Variants in SRGAP3 observed in about 807,000 individuals in gnomAD.
The protein encoded by SRGAP3 is SLIT-ROBO Rho GTPase-activating protein 3.
In SRGAP3, 39 loss-of-function variants were observed where a neutral mutation model predicts 121.1. The observed-to-expected ratio is 0.32, with a 90% confidence interval of 0.25 to 0.42. The LOEUF is 0.42. SRGAP3 is among the 10% of genes least tolerant of loss of function. The probability of loss-of-function intolerance (pLI) is 1.00; values close to 1 mark genes in which losing one functional copy is unlikely to be tolerated. For missense variants in SRGAP3, 1,213 were observed against 1,470.6 expected (o/e 0.82, Z 2.86); for synonymous variants, 601 against 570.0 (o/e 1.05, Z -0.77).
chr3:9,248,394 T>A (rs1235635462), intron 1 of SRGAP3, among the ~76,000 whole-genome samples: 1 of 152,026 alleles, frequency 6.6e-6, no homozygotes, highest in East Asian at 1.9e-4. Flanking sequence ...GCTGCCTCGC[T>A]GTGCACATGC....
intron 1 of SRGAP3, chr3:9,349,943 T>G (rs1220054214): frequency 1.3e-5 from 2 of 152,214 alleles, no homozygotes; most frequent in South Asian, 2.1e-4. Context: ...TGTCCAAGTG[T>G]GTCTCTCTCT....
intron 1 of SRGAP3, among the ~76,000 whole-genome samples, chr3:9,352,721 G>A (rs765619368): frequency 1.8e-4 from 27 of 152,172 alleles, no homozygotes; most frequent in Non-Finnish European, 3.7e-4. Flanking sequence ...AGGCCACCTT[G>A]GTGTGCGTTT....
upstream of SRGAP3, among the ~76,000 whole-genome samples, chr3:9,250,453 G>C (rs903353039): frequency 2.6e-5 from 4 of 152,106 alleles, no homozygotes; most frequent in South Asian, 4.1e-4. Flanking sequence ...GGAGTTGTAC[G>C]AGGCAAGAGG....
intron 1 of SRGAP3, among the ~76,000 whole-genome samples, chr3:9,187,147 G>T (rs184661779): frequency 7.4e-6 from 1 of 135,084 alleles, no homozygotes; most frequent in African/African-American, 2.8e-5. Context: ...GGTGTGTGAT[G>T]TTCCCCTCCC....
chr3:9,354,182 A>G (rs1399250350), intron 1 of SRGAP3, among the ~76,000 whole-genome samples: 1 of 152,234 alleles, frequency 6.6e-6, no homozygotes, highest in Non-Finnish European at 1.5e-5. Context: ...GTACCATAAC[A>G]AAGTCCGCAG....
intron 1 of SRGAP3, among the ~76,000 whole-genome samples, chr3:9,165,906 G>C (rs570611615): frequency 5.0e-4 from 76 of 152,270 alleles, no homozygotes; most frequent in African/African-American, 1.8e-3. Flanking sequence ...CCTTATCTCA[G>C]GTTGTAATCA....
At chr3:9,142,191 AATAC>A (rs1949877127) in intron 1 of SRGAP3, among the ~76,000 whole-genome samples, 1 of 152,234 alleles carries the variant, frequency 6.6e-6, no homozygotes, top group South Asian at 2.1e-4. Flanking sequence ...AGGTAATATT[AATAC>A]ATACATATGA....
At chr3:9,074,760 C>T (rs1374203343) in intron 4 of SRGAP3, among the ~76,000 whole-genome samples, 1 of 152,254 alleles carries the variant, frequency 6.6e-6, no homozygotes, top group Non-Finnish European at 1.5e-5. Flanking sequence ...GTTGATGTCA[C>T]ATCCCTGAGC....
intron 1 of SRGAP3, among the ~76,000 whole-genome samples, chr3:9,340,865 G>A (rs1040915188): frequency 2.6e-5 from 4 of 152,290 alleles, no homozygotes; most frequent in Non-Finnish European, 5.9e-5. Flanking sequence ...GAAAATCACC[G>A]TGAATGAAGG....
intron 1 of SRGAP3, among the ~76,000 whole-genome samples, chr3:9,204,098 C>T (rs1574863133): frequency 6.6e-6 from 1 of 152,234 alleles, no homozygotes; most frequent in South Asian, 2.1e-4. Flanking sequence ...TATTCAGGGA[C>T]CAACACCTCA....
intron 3 of SRGAP3, among the ~76,000 whole-genome samples, chr3:9,258,116 A>T (rs1333882428): frequency 6.6e-6 from 1 of 152,190 alleles, no homozygotes; most frequent in Non-Finnish European, 1.5e-5. Flanking sequence ...AATGGAAGAG[A>T]CTGGTAAACA....
In SRGAP3 at chr3:9,320,135, A is replaced by C. The variant is rs530862023; in HGVS notation, n.442+5875T>G. 1.1e-4 allele frequency among the ~76,000 whole-genome samples: 17 copies of C among 151,918 alleles called. 1 individual carries two copies. The highest frequency in any genetic ancestry group is 2.4e-4 in the Non-Finnish European group (16 of 67,994). The stretch of plus-strand genomic sequence containing the variant: ...GGTGCTTTCCTGGAGCTATGGAAAA[A>C]GAGGAGACATGGCCCTCTGGGCTTG... On this transcript the variant is annotated intron_variant and non_coding_transcript_variant, in intron 3 of 3. Coordinates refer to the SRGAP3 transcript ENST00000490889.
intron 10 of SRGAP3, among the ~76,000 whole-genome samples, chr3:9,043,503 T>C (rs1435341049): frequency 6.6e-6 from 1 of 151,524 alleles, no homozygotes; most frequent in East Asian, 1.9e-4. Flanking sequence ...GGATGTGGAG[T>C]GGAATGTCAG....
At chr3:9,196,055 G>C (rs191540727) in intron 1 of SRGAP3, among the ~76,000 whole-genome samples, 1 of 152,224 alleles carries the variant, frequency 6.6e-6, no homozygotes, top group Non-Finnish European at 1.5e-5. Context: ...GGCTTTGGAG[G>C]AATCCCAGGA....
At chr3:9,147,938 C>A (rs2543495) in intron 1 of SRGAP3, among the ~76,000 whole-genome samples, 3 of 152,026 alleles carry the variant, frequency 2.0e-5, no homozygotes, top group Non-Finnish European at 4.4e-5. Flanking sequence ...TTTCAGAAGC[C>A]CCTCTGCAAA....
upstream of SRGAP3, among the ~76,000 whole-genome samples, chr3:9,253,508 G>A (rs1411473981): frequency 6.6e-6 from 1 of 152,172 alleles, no homozygotes; most frequent in East Asian, 1.9e-4. Context: ...TTCATCTGAA[G>A]GAAAAGTGGC....
At chr3:9,297,662 G>C (rs1287085594) in intron 3 of SRGAP3, among the ~76,000 whole-genome samples, 2 of 152,094 alleles carry the variant, frequency 1.3e-5, no homozygotes, top group Non-Finnish European at 2.9e-5. Context: ...TTGGGAGCCC[G>C]AGGCAGATGG....
At chr3:9,326,418 T>G (rs1559278476) in intron 2 of SRGAP3, among the ~76,000 whole-genome samples, 1 of 151,872 alleles carries the variant, frequency 6.6e-6, no homozygotes, top group South Asian at 2.1e-4. Context: ...GAACCAAACA[T>G]TGGTTTTAAA....
At chr3:9,214,077 T>C (rs1952534092) in intron 1 of SRGAP3, among the ~76,000 whole-genome samples, 3 of 150,364 alleles carry the variant, frequency 2.0e-5, no homozygotes, top group Middle Eastern at 3.3e-3. Context: ...AACCCTTTTA[T>C]TGACAGCCTC....
Sources: allele counts gnomAD v4.1 joint callset (sites outside exome capture counted in the v4.1 genomes callset), GRCh38; gene constraint gnomAD v4.1.1; transcripts MANE v1.5; gene names NCBI Gene and HGNC (gene_info 2026-07-23, HGNC 2026-07-21).